The following RIMS2 variants were observed in gnomAD, a reference collection of about 807,000 sequenced individuals.
The protein encoded by RIMS2 is regulating synaptic membrane exocytosis protein 2.
Under a neutral mutation model 174.4 loss-of-function variants are expected in RIMS2, and 59 were observed. The ratio of observed to expected loss-of-function variants is 0.34; its 90% CI spans 0.27 to 0.42. RIMS2 has a LOEUF of 0.42. Ranked by LOEUF, RIMS2 falls within the 10% of genes least tolerant of loss-of-function variation. The pLI, the probability that RIMS2 is intolerant of heterozygous loss-of-function variation, is 1.00. For synonymous variants in RIMS2, 606 were observed against 572.5 expected, an observed-to-expected ratio of 1.06 and a Z score of -0.84; for missense variants, 1,620 against 1,666.3, an observed-to-expected ratio of 0.97 and a Z score of 0.48.
intron 3 of RIMS2, among the ~76,000 whole-genome samples, chr8:103,799,328 A>G (rs2154449550): frequency 6.6e-6 from 1 of 152,124 alleles, no homozygotes; most frequent in African/African-American, 2.4e-5. Context: ...ATTAATAGAT[A>G]CTCCCTTGTG....
intron 17 of RIMS2, among the ~76,000 whole-genome samples, chr8:103,995,407 G>C (rs2095024828): frequency 6.6e-6 from 1 of 152,046 alleles, no homozygotes; most frequent in Non-Finnish European, 1.5e-5. Flanking sequence ...AACTGGAAAA[G>C]GCATCACAGA....
chr8:103,665,762 A>G (rs1308777870), intron 1 of RIMS2, among the ~76,000 whole-genome samples: 3 of 151,460 alleles, frequency 2.0e-5, no homozygotes, highest in African/African-American at 4.9e-5. Context: ...TGAATTTTCC[A>G]TTTGCTTTCA....
intron 19 of RIMS2, among the ~76,000 whole-genome samples, chr8:104,136,352 C>T (rs2098519611): frequency 6.6e-6 from 1 of 152,002 alleles, no homozygotes; most frequent in African/African-American, 2.4e-5. Flanking sequence ...GGAATGTTTT[C>T]TAGGGATAAT....
intron 19 of RIMS2, among the ~76,000 whole-genome samples, chr8:104,100,964 T>TATATG (rs2097872353): frequency 3.7e-5 from 3 of 80,744 alleles, no homozygotes; most frequent in East Asian, 5.9e-4. Flanking sequence ...TATGATATAT[T>TATATG]ATATAGTATA....
At chr8:103,501,957 C>T (rs1254529364) in intron 1 of RIMS2, among the ~76,000 whole-genome samples, 3 of 152,192 alleles carry the variant, frequency 2.0e-5, no homozygotes, top group Non-Finnish European at 4.4e-5. Flanking sequence ...GACTACTTTT[C>T]TGGTTAGCGT....
At chr8:103,932,881 G>A (rs1236417214) in intron 12 of RIMS2, among the ~76,000 whole-genome samples, 2 of 152,194 alleles carry the variant, frequency 1.3e-5, no homozygotes, top group African/African-American at 4.8e-5. Flanking sequence ...CTATGGCCGG[G>A]TGTGGTGGCT....
At chr8:104,093,209 C>T (rs551514226) in intron 19 of RIMS2, among the ~76,000 whole-genome samples, 1 of 151,922 alleles carries the variant, frequency 6.6e-6, no homozygotes, top group Non-Finnish European at 1.5e-5. Flanking sequence ...TTCCTGAGGC[C>T]AGTGCTGTTT....
At chr8:103,984,394 G>T (rs778078787) in intron 16 of RIMS2, among the ~76,000 whole-genome samples, 8 of 152,248 alleles carry the variant, frequency 5.3e-5, no homozygotes, top group East Asian at 3.9e-4. Flanking sequence ...ATAGGTAAAA[G>T]ATTTTAATAG....
At chr8:104,017,471 T>C (rs763249291) in intron 19 of RIMS2, among the ~76,000 whole-genome samples, 1 of 152,100 alleles carries the variant, frequency 6.6e-6, no homozygotes, top group Non-Finnish European at 1.5e-5. Flanking sequence ...AAGAATAATA[T>C]AGAAAGCACA....
intron 3 of RIMS2, among the ~76,000 whole-genome samples, chr8:103,796,404 A>G (rs2067550): frequency 0.12 from 18,870 of 152,200 alleles, 1,273 homozygotes; most frequent in Middle Eastern, 0.22. Flanking sequence ...CCTTTTATAC[A>G]AAAATAATTT....
intron 3 of RIMS2, among the ~76,000 whole-genome samples, chr8:103,881,097 A>C (rs889131535): frequency 1.3e-5 from 2 of 151,486 alleles, no homozygotes; most frequent in Admixed American, 1.3e-4. Flanking sequence ...ATCTCTACTA[A>C]TAATGCTTAT....
chr8:104,112,677 A>G (rs1027044306), intron 19 of RIMS2, among the ~76,000 whole-genome samples: 2 of 152,176 alleles, frequency 1.3e-5, no homozygotes, highest in African/African-American at 2.4e-5. Flanking sequence ...TGTTTCAGGC[A>G]TGCTTCTTTC....
At chr8:103,832,826 T>G (rs751218507) in intron 3 of RIMS2, among the ~76,000 whole-genome samples, 4 of 152,246 alleles carry the variant, frequency 2.6e-5, no homozygotes, top group Admixed American at 6.5e-5. Context: ...TTTACAATCA[T>G]TCACAATCTA....
chr8:103,916,011 A>T (rs2154528409), intron 7 of RIMS2, among the ~76,000 whole-genome samples: 1 of 152,054 alleles, frequency 6.6e-6, no homozygotes, highest in South Asian at 2.1e-4. Flanking sequence ...TAATATACTA[A>T]TTATTAAGGT....
chr8:103,555,637 A>G (rs768471675), intron 1 of RIMS2, among the ~76,000 whole-genome samples: 3 of 152,096 alleles, frequency 2.0e-5, no homozygotes, highest in South Asian at 2.1e-4. Flanking sequence ...ACAGATGAAT[A>G]AAGAAAAAAT....
intron 15 of RIMS2, among the ~76,000 whole-genome samples, chr8:103,970,260 G>A (rs530699682): frequency 1.2e-4 from 18 of 152,252 alleles, no homozygotes; most frequent in South Asian, 8.3e-4. Context: ...TCCCTTAGGT[G>A]GAACAAGATG....
chr8:104,157,399 G>A (rs769597079), intron 19 of RIMS2, among the ~76,000 whole-genome samples: 8 of 152,108 alleles, frequency 5.3e-5, no homozygotes, highest in East Asian at 1.9e-4. Flanking sequence ...TAAAATACAC[G>A]TGACATAAAG....
chr8:103,860,902 A>C (rs755464365), intron 3 of RIMS2, among the ~76,000 whole-genome samples: 39 of 152,160 alleles, frequency 2.6e-4, no homozygotes, highest in Non-Finnish European at 4.3e-4. Context: ...AATGTTAAAA[A>C]CAGCATAACT....
At chr8:104,140,431 C>T (rs1054977601) in intron 19 of RIMS2, among the ~76,000 whole-genome samples, 1 of 152,040 alleles carries the variant, frequency 6.6e-6, no homozygotes, top group African/African-American at 2.4e-5. Context: ...CATATTTGTA[C>T]CCCTAAAGCA....
Sources: gnomAD v4.1 joint callset for allele counts (sites outside exome capture counted in the v4.1 genomes callset) on GRCh38, gnomAD v4.1.1 for gene constraint, MANE v1.5 for transcripts, NCBI Gene and HGNC (gene_info 2026-07-23, HGNC 2026-07-21) for gene names.